The following SPIDR variants were observed in gnomAD, a reference collection of about 807,000 sequenced individuals.
The protein encoded by SPIDR is DNA repair-scaffolding protein.
In SPIDR, 93 loss-of-function variants were observed where a neutral mutation model predicts 104.6. That is an observed-to-expected ratio of 0.89 (90% CI 0.75 to 1.06). The LOEUF (loss-of-function observed/expected upper bound fraction) is 1.06. Among genes scored for constraint, SPIDR ranks in the 50% least tolerant of loss-of-function variants. The pLI is 0.00. For synonymous variants in SPIDR, 431 were observed against 416.9 expected (o/e 1.03, Z -0.41); for missense variants, 1,154 against 1,111.2 (o/e 1.04, Z -0.55).
chr8:47,464,694 T>G (rs1440315852), intron 8 of SPIDR, among the ~76,000 whole-genome samples: 1 of 151,910 alleles, frequency 6.6e-6, no homozygotes, highest in Non-Finnish European at 1.5e-5. Flanking sequence ...TCCTCTCCCC[T>G]CCCCTCCCCT....
Position 47,440,381 on chromosome 8 carries a change from G to A in SPIDR, c.936G>A (p.Met312Ile). 6.2e-7 allele frequency: 1 copy of A among 1,614,246 alleles called. No individual in the cohort carries two copies. The highest frequency in any genetic ancestry group is 8.5e-7 in the Non-Finnish European group (1 of 1,180,028). Residue 312 changes from methionine to isoleucine, a missense_variant, in exon 8 of 20, where the codon ATG becomes ATA. Coordinates refer to ENST00000297423, the MANE Select transcript of SPIDR (RefSeq NM_001080394.4). ...TAGAGCTGCATGAGGAATGTGCCAT[G>A]CAAGTTGCCATGTGTGAGCAGTTAT... ...KILELHEECA[M>I]QVAMCEQLLG...
chr8:47,559,348 AC>A (rs1354784150), intron 8 of SPIDR, among the ~76,000 whole-genome samples: 3 of 152,176 alleles, frequency 2.0e-5, no homozygotes, highest in Non-Finnish European at 4.4e-5. Context: ...AAGCTGCTGT[AC>A]CCTGCCTGGC....
At position 47,278,909 on chromosome 8, in the gene SPIDR, C is replaced by T. The variant is rs1036769261; in HGVS notation, c.34-953C>T. Among the ~76,000 whole-genome samples the T allele has an allele frequency of 6.2e-4, 94 of 151,984 alleles. 1 individual carries two copies. The highest frequency in any genetic ancestry group is 3.4e-3 in the Middle Eastern group (1 of 294). ...GCTTTTATTTTTCTTTTTTTAAGGA[C>T]GTGGCCTCTCACTGTGTTGCCCGGC... On this transcript the variant is annotated intron_variant, in intron 1 of 19. Coordinates refer to ENST00000297423, the MANE Select transcript of SPIDR (RefSeq NM_001080394.4).
intron 11 of SPIDR, among the ~76,000 whole-genome samples, chr8:47,692,444 T>C (rs2078785826): frequency 6.6e-6 from 1 of 151,958 alleles, no homozygotes; most frequent in Non-Finnish European, 1.5e-5. Context: ...TTTAGCAGAA[T>C]GTTTTTAAGG....
At position 47,266,902 on chromosome 8, in the gene SPIDR, C is replaced by G. The variant is rs192535714; in HGVS notation, c.33+5911C>G. ...TTACTAGTCAGTCACTCCCCATTCT[C>G]TCTTCCCTCATCCATTGGCAACCAC... On this transcript the variant is annotated intron_variant, in intron 1 of 19. Coordinates refer to ENST00000297423, the MANE Select transcript of SPIDR (RefSeq NM_001080394.4). 4.7e-3 allele frequency among the ~76,000 whole-genome samples: 720 copies of G among 152,324 alleles called. 5 individuals are homozygous for G. The highest frequency in any genetic ancestry group is 0.016 in the African/African-American group (683 of 41,564).
chr8:47,525,277 C>T (rs2084798709), intron 8 of SPIDR, among the ~76,000 whole-genome samples: 1 of 152,224 alleles, frequency 6.6e-6, no homozygotes, highest in Non-Finnish European at 1.5e-5. Flanking sequence ...AGGGCAGCTG[C>T]TTGCTGCCTT....
intron 16 of SPIDR, among the ~76,000 whole-genome samples, chr8:47,723,493 G>A (rs1265887343): frequency 6.8e-5 from 10 of 147,790 alleles, no homozygotes; most frequent in African/African-American, 1.0e-4. Context: ...GCAGTGGTGC[G>A]ATCTCAAGTC....
At chr8:47,370,691 C>T (rs544189389) in intron 5 of SPIDR, among the ~76,000 whole-genome samples, 1 of 151,896 alleles carries the variant, frequency 6.6e-6, no homozygotes, top group South Asian at 2.1e-4. Flanking sequence ...ACCTTGGGAT[C>T]CACCCACCTC....
intron 8 of SPIDR, among the ~76,000 whole-genome samples, chr8:47,528,800 AG>A: frequency 6.6e-6 from 1 of 152,358 alleles, no homozygotes; most frequent in South Asian, 2.1e-4. Context: ...ATAATATTCA[AG>A]AACTCTGGGA....
At chr8:47,278,848 C>T (rs1273652198) in intron 1 of SPIDR, among the ~76,000 whole-genome samples, 1 of 152,030 alleles carries the variant, frequency 6.6e-6, no homozygotes, top group African/African-American at 2.4e-5. Flanking sequence ...ATGTCTGTGT[C>T]TTCTGAAATG....
In SPIDR at chr8:47,293,712, C is replaced by T. The variant is rs961742665; in HGVS notation, c.362-155C>T. 1.3e-4 allele frequency among the ~76,000 whole-genome samples: 20 copies of T among 152,204 alleles called. No homozygotes were observed. The East Asian group carries it at 1.7e-3, about 13-fold the overall frequency. ...TTCTGCCCACCCTGGCCTCCCAAAG[C>T]GCTAGGATTACAGGCATGAGCTATT... On this transcript the variant is annotated intron_variant, in intron 4 of 19. Coordinates refer to ENST00000297423, the MANE Select transcript of SPIDR (RefSeq NM_001080394.4).
chr8:47,700,371 A>G lies in SPIDR; in HGVS notation c.1686-32A>G, dbSNP rs1401160602. 5 of 1,611,224 alleles carry G rather than the reference A, an allele frequency of 3.1e-6. No individual in the cohort carries two copies. In the African/African-American group the frequency reaches 5.3e-5, roughly 17 times the overall value. ...CCAAGTACTCAGTAAGGGATGTCTG[A>G]TGATGAATACCTTTGACTTTTCTTG... is the stretch of plus-strand genomic sequence containing the variant. On this transcript the variant is annotated intron_variant, in intron 11 of 19. Transcript: ENST00000297423.
intron 8 of SPIDR, among the ~76,000 whole-genome samples, chr8:47,464,299 C>T (rs1304783302): frequency 6.6e-6 from 1 of 152,112 alleles, no homozygotes; most frequent in Non-Finnish European, 1.5e-5. Context: ...TTAAAAACCA[C>T]TTAGGAAAAT....
At chr8:47,561,271 C>T (rs1231239692) in intron 8 of SPIDR, among the ~76,000 whole-genome samples, 5 of 152,178 alleles carry the variant, frequency 3.3e-5, no homozygotes, top group Non-Finnish European at 7.3e-5. Context: ...AAGTATTTCT[C>T]AATTAGAGTA....
At chr8:47,571,417 A>G (rs1192566856) in intron 8 of SPIDR, among the ~76,000 whole-genome samples, 1 of 152,148 alleles carries the variant, frequency 6.6e-6, no homozygotes, top group Non-Finnish European at 1.5e-5. Context: ...TTATTTGCCA[A>G]TTTTATTTCA....
intron 8 of SPIDR, among the ~76,000 whole-genome samples, chr8:47,558,596 T>C (rs2056653353): frequency 6.6e-6 from 1 of 151,778 alleles, no homozygotes; most frequent in South Asian, 2.1e-4. Flanking sequence ...GAATGGTGAT[T>C]GTCTTCACAA....
intron 5 of SPIDR, among the ~76,000 whole-genome samples, chr8:47,310,300 C>T (rs1015635100): frequency 2.0e-5 from 3 of 148,370 alleles, no homozygotes; most frequent in African/African-American, 5.0e-5. Flanking sequence ...CGCCGCTGCA[C>T]TCCAGCCTGG....
At chr8:47,441,715 T>C (rs1212615352) in intron 8 of SPIDR, among the ~76,000 whole-genome samples, 2 of 152,204 alleles carry the variant, frequency 1.3e-5, no homozygotes, top group African/African-American at 2.4e-5. Context: ...AGAAAGGTTT[T>C]CCTTACTATG....
chr8:47,588,355 G>T, intron 8 of SPIDR, among the ~76,000 whole-genome samples: 1 of 148,400 alleles, frequency 6.7e-6, no homozygotes, highest in African/African-American at 2.5e-5. Context: ...ATTTTAAATG[G>T]TATGTTTTTC....
Sources: gnomAD v4.1 joint callset for allele counts (sites outside exome capture counted in the v4.1 genomes callset) on GRCh38, gnomAD v4.1.1 for gene constraint, MANE v1.5 for transcripts, NCBI Gene and HGNC (gene_info 2026-07-23, HGNC 2026-07-21) for gene names.